The following TOPAZ1 variants were observed in gnomAD, a reference collection of about 807,000 sequenced individuals.
The protein encoded by TOPAZ1 is testis and ovary specific TOPAZ 1.
In TOPAZ1, 66 loss-of-function variants were observed where a neutral mutation model predicts 172.2. The observed-to-expected ratio is 0.38, with a 90% CI of 0.31 to 0.47. TOPAZ1 has a LOEUF of 0.47. TOPAZ1 is among the 20% of genes least tolerant of loss of function. The pLI is 0.99. For missense variants in TOPAZ1, 1,822 were observed against 1,972.4 expected (o/e 0.92, Z 1.44); for synonymous variants, 681 against 683.9 (o/e 1.00, Z 0.07).
intron 8 of TOPAZ1, among the ~76,000 whole-genome samples, chr3:44,278,351 C>A (rs1313466922): frequency 6.6e-6 from 1 of 152,056 alleles, no homozygotes; most frequent in Non-Finnish European, 1.5e-5. Flanking sequence ...GTTGTTGTAG[C>A]CTTGTCTGGT....
In TOPAZ1 at chr3:44,256,273, GA is replaced by G; in HGVS notation, c.2954del (p.Lys985SerfsTer8). Reference protein sequence around the residue: ...SEQIKGSDLDEKHRFTDKVIT... With the variant: ...SEQIKGSDLDXKHRFTDKVIT... ...ACAAATAAAAGGTTCAGACTTGGAT[GA>G]AAAGGTACTAGGGGATCTTTTGTGT... On this transcript the variant is annotated frameshift_variant, in exon 4 of 20. Transcript: ENST00000309765. LOFTEE classifies it high-confidence loss of function. The G allele has an allele frequency of 6.6e-7, 1 of 1,517,766 alleles. No homozygotes were observed. The highest frequency in any genetic ancestry group is 1.3e-5 in the South Asian group (1 of 76,966). 94.0% of individuals were successfully genotyped at this position (1,517,766 alleles called of 1,614,324 possible).
chr3:44,331,234 GTAT>G (rs1700664979), intron 19 of TOPAZ1, among the ~76,000 whole-genome samples: 1 of 152,144 alleles, frequency 6.6e-6, no homozygotes, highest in Non-Finnish European at 1.5e-5. Context: ...GTTACAACCA[GTAT>G]TATTTTTAAA....
intron 15 of TOPAZ1, among the ~76,000 whole-genome samples, chr3:44,308,270 C>A: frequency 7.6e-6 from 1 of 132,134 alleles, no homozygotes. Flanking sequence ...AATGCCATCC[C>A]TCCCCCCTCC....
At chr3:44,280,240 A>C (rs1700007465) in intron 8 of TOPAZ1, among the ~76,000 whole-genome samples, 2 of 151,244 alleles carry the variant, frequency 1.3e-5, no homozygotes, top group African/African-American at 4.9e-5. Context: ...AGTCTGATGG[A>C]GATTTCTTTA....
chr3:44,316,840 C>T (rs146891823), intron 16 of TOPAZ1, among the ~76,000 whole-genome samples: 2 of 152,228 alleles, frequency 1.3e-5, no homozygotes, highest in Non-Finnish European at 2.9e-5. Flanking sequence ...ACTTGAAATG[C>T]CATTTTTATC....
intron 2 of TOPAZ1, among the ~76,000 whole-genome samples, chr3:44,248,184 C>T (rs1699588505): frequency 1.3e-5 from 2 of 152,136 alleles, no homozygotes; most frequent in Admixed American, 1.3e-4. Flanking sequence ...ACTTTGAGGC[C>T]AAACTAATAC....
Position 44,321,086 on chromosome 3 carries a change from C to A in TOPAZ1, c.4366C>A (p.Arg1456=). ...TTGTGATAGACTGGATGTGCTTAAT[C>A]GACATAATTTACTCTGTACAATTGC... is the stretch of plus-strand genomic sequence containing the variant. The part of the protein sequence containing the change: ...WPCDRLDVLN[R]HNLLCTIAHE... The change falls in exon 17 of 20, where the codon CGA becomes AGA. Residue 1456 remains arginine, a synonymous_variant. Transcript: ENST00000309765. 1 of 1,550,260 alleles carries A rather than the reference C, an allele frequency of 6.5e-7. No homozygotes were observed. Among genetic ancestry groups the A allele is most frequent in the East Asian group, 2.5e-5 (1 of 40,766 alleles).
chr3:44,260,887 C>T (rs1259142860), intron 4 of TOPAZ1, among the ~76,000 whole-genome samples: 1 of 152,076 alleles, frequency 6.6e-6, no homozygotes, highest in Non-Finnish European at 1.5e-5. Flanking sequence ...ATTAACTAGC[C>T]AGTTGTTCTA....
Position 44,244,910 on chromosome 3 carries a change from A to G in TOPAZ1, c.2404A>G (p.Thr802Ala). 2.6e-6 allele frequency: 4 copies of G among 1,551,732 alleles called. No homozygotes were observed. The highest frequency in any genetic ancestry group is 3.5e-6 in the Non-Finnish European group (4 of 1,146,988). ...TTCTAATAAAGAAGTTGCTTCTCTC[A>G]CAGTTGAAAATAATGCTTTTTCTTG... The part of the protein sequence containing the change: ...IVSNKEVASL[T>A]VENNAFSCDP... The change falls in exon 2 of 20, where the codon ACA becomes GCA. Residue 802 changes from threonine (T) to alanine (A), a missense_variant. Thr to Ala is a moderately conservative substitution (Grantham distance 58). Around this residue, in one of 2 missense-constraint regions of TOPAZ1, gnomAD observed 1,489 missense variants for 1,490.8 expected, o/e 1.00. Transcript: ENST00000309765.
intron 8 of TOPAZ1, among the ~76,000 whole-genome samples, chr3:44,271,642 ATAGTT>A (rs1251825025): frequency 4.5e-4 from 68 of 152,208 alleles, no homozygotes; most frequent in Non-Finnish European, 6.2e-4. Context: ...ATTGAAAACT[ATAGTT>A]TATTTATGGG....
At chr3:44,256,423 C>T (rs2125680549) in intron 4 of TOPAZ1, 145 bp downstream of exon 4, 1 of 735,094 alleles carries the variant, frequency 1.4e-6, no homozygotes, top group Non-Finnish European at 2.1e-6. Flanking sequence ...TGGGATGTAT[C>T]CCTTGATACT....
At chr3:44,255,939 A>G (rs1369243317) in intron 3 of TOPAZ1, among the ~76,000 whole-genome samples, 5 of 151,610 alleles carry the variant, frequency 3.3e-5, no homozygotes, top group Non-Finnish European at 7.4e-5. Flanking sequence ...ATCAAGAAAA[A>G]TTCTTAAATA....
intron 2 of TOPAZ1, among the ~76,000 whole-genome samples, chr3:44,252,232 C>G (rs778701748): frequency 2.0e-5 from 3 of 152,154 alleles, no homozygotes; most frequent in Non-Finnish European, 2.9e-5. Context: ...TCCCTCAGTT[C>G]TCTATTGAGT....
Position 44,243,977 on chromosome 3 carries a change from A to G in TOPAZ1, c.1471A>G (p.Lys491Glu), listed in dbSNP as rs1245896704. Residue 491 changes from lysine (K) to glutamate (E), a missense_variant, in exon 2 of 20, where the codon AAA becomes GAA. Lys to Glu is a moderately conservative substitution (Grantham distance 56). This residue lies in a region of TOPAZ1 where 1,489 missense variants were observed against 1,490.8 expected (regional missense o/e 1.00). Coordinates refer to ENST00000309765, the MANE Select transcript of TOPAZ1 (RefSeq NM_001145030.2). ...TCAGAGAACAATACCTATGACTGGT[A>G]AAAGAACTTGGCCCTATTATTCATG... Reference protein sequence around the residue: ...SCQRTIPMTGKRTWPYYSCAR... With the variant: ...SCQRTIPMTGERTWPYYSCAR... 6.4e-6 allele frequency: 10 copies of G among 1,552,330 alleles called. No homozygotes were observed. The East Asian group carries it at 2.2e-4, about 34-fold the overall frequency.
chr3:44,260,002 A>G (rs999690791), intron 4 of TOPAZ1, among the ~76,000 whole-genome samples: 12 of 152,126 alleles, frequency 7.9e-5, no homozygotes, highest in Admixed American at 5.2e-4. Context: ...GTTCCCCCAT[A>G]TTGTTTTATG....
intron 17 of TOPAZ1, 24 bp from the exon 18 acceptor site, chr3:44,323,068 A>T: frequency 4.2e-6 from 6 of 1,438,424 alleles, no homozygotes; most frequent in Non-Finnish European, 5.6e-6. Flanking sequence ...AATGAATTTT[A>T]TTATATCATT....
chr3:44,333,399 G>A (rs138319138), downstream of TOPAZ1, among the ~76,000 whole-genome samples: 2,057 of 152,180 alleles, frequency 0.014, 16 homozygotes, highest in Non-Finnish European at 0.018. Flanking sequence ...AAATGAATTA[G>A]GTTTGGAGAT....
chr3:44,308,913 A>G (rs919010649), intron 15 of TOPAZ1, among the ~76,000 whole-genome samples: 6 of 152,220 alleles, frequency 3.9e-5, no homozygotes, highest in Non-Finnish European at 1.5e-5. Context: ...ATAAGCATCT[A>G]ATTCAAATAT....
chr3:44,291,332 G>A lies in TOPAZ1; in HGVS notation c.3797+446G>A, dbSNP rs199609894. Among the ~76,000 whole-genome samples, 25 of 149,042 alleles carry A rather than the reference G, an allele frequency of 1.7e-4. No individual in the cohort carries two copies. The East Asian group carries it at 2.7e-3, about 16-fold the overall frequency. ...TTAAAAAAAAAAAAAGCCAGGCGCC[G>A]TGGCTCACGCCTGTAATCCCAGCAC... On this transcript the variant is annotated intron_variant, in intron 12 of 19. Transcript: ENST00000309765.
Sources: gnomAD v4.1 joint callset for allele counts (sites outside exome capture counted in the v4.1 genomes callset) on GRCh38, gnomAD v4.1.1 for gene constraint, gnomAD v4.1.1 regional missense constraint, MANE v1.5 for transcripts, NCBI Gene and HGNC (gene_info 2026-07-23, HGNC 2026-07-21) for gene names.